Variants in CHL1 observed in about 807,000 individuals in gnomAD.
CHL1 encodes cell adhesion molecule L1 like.
Under a neutral mutation model 141.9 loss-of-function variants are expected in CHL1, and 96 were observed. The observed-to-expected ratio is 0.68, with a 90% CI of 0.57 to 0.80. The LOEUF (loss-of-function observed/expected upper bound fraction) is 0.80, where lower values mean the gene tolerates loss of function less well. Among genes scored for constraint, CHL1 ranks in the 30% least tolerant of loss-of-function variants. The probability of loss-of-function intolerance (pLI) is 0.00; values close to 1 mark genes in which losing one functional copy is unlikely to be tolerated. For synonymous variants in CHL1, 613 were observed against 502.2 expected (o/e 1.22, Z -2.95); for missense variants, 1,820 against 1,457.2 (o/e 1.25, Z -4.05).
At chr3:270,233 G>T (rs1012238295) in intron 2 of CHL1, among the ~76,000 whole-genome samples, 2 of 140,138 alleles carry the variant, frequency 1.4e-5, no homozygotes, top group Admixed American at 1.4e-4. Context: ...GGAGAATTTG[G>T]CAAAAAATAG....
At chr3:206,392 G>A (rs1461977618) in intron 1 of CHL1, among the ~76,000 whole-genome samples, 1 of 152,100 alleles carries the variant, frequency 6.6e-6, no homozygotes. Flanking sequence ...CTTGAACCCA[G>A]GAGGCGGAGG....
intron 27 of CHL1, 43 bp from the exon 28 acceptor site, chr3:405,452 A>G (rs1215907584): frequency 8.0e-7 from 1 of 1,249,394 alleles, no homozygotes; most frequent in Non-Finnish European, 1.2e-6. Context: ...ATGAATATTA[A>G]TATTAGATTT....
At chr3:362,953 A>G (rs898808630) in intron 13 of CHL1, among the ~76,000 whole-genome samples, 1 of 152,214 alleles carries the variant, frequency 6.6e-6, no homozygotes, top group Non-Finnish European at 1.5e-5. Flanking sequence ...CTGAGGACAC[A>G]TGCAAACCGG....
chr3:344,840 G>A (rs1702632007), intron 9 of CHL1, 131 bp downstream of exon 9: 13 of 845,248 alleles, frequency 1.5e-5, no homozygotes, highest in East Asian at 8.7e-5. Context: ...ATTCTGCCGG[G>A]CACTGCAGAT....
At chr3:246,270 A>G (rs1375783494) in intron 2 of CHL1, among the ~76,000 whole-genome samples, 1 of 152,096 alleles carries the variant, frequency 6.6e-6, no homozygotes, top group Non-Finnish European at 1.5e-5. Context: ...TGTATTAATA[A>G]TTATTTCTCT....
chr3:349,677 A>G, intron 10 of CHL1, 134 bp downstream of exon 10: 1 of 727,622 alleles, frequency 1.4e-6, no homozygotes, highest in South Asian at 1.9e-5. Context: ...GCGGGCATTG[A>G]ATTATATTAC....
chr3:286,194 A>G (rs931454254), intron 2 of CHL1, among the ~76,000 whole-genome samples: 5 of 152,188 alleles, frequency 3.3e-5, no homozygotes, highest in African/African-American at 1.2e-4. Flanking sequence ...GGCACTTATC[A>G]CAACCCTTAA....
intron 1 of CHL1, among the ~76,000 whole-genome samples, chr3:240,105 T>C (rs981868793): frequency 6.6e-6 from 1 of 152,202 alleles, no homozygotes; most frequent in African/African-American, 2.4e-5. Context: ...TCTGGGTAGA[T>C]ACCCAGTAGT....
intron 1 of CHL1, among the ~76,000 whole-genome samples, chr3:230,287 T>G (rs984586758): frequency 2.0e-5 from 3 of 152,204 alleles, no homozygotes; most frequent in Non-Finnish European, 2.9e-5. Flanking sequence ...TTCTGGCTTT[T>G]GTGTCATTCA....
At position 320,742 on chromosome 3, in the gene CHL1, T is replaced by C. The variant is rs538480084; in HGVS notation, c.91+875T>C. On this transcript the variant is annotated intron_variant, in intron 3 of 27. Transcript: ENST00000256509. ...AAAAAATCTGCAAACAGAACATATGTAATAGTATATCAAGTCTGCCATGTA... is the reference window on the plus strand; with the variant it reads ...AAAAAATCTGCAAACAGAACATATGCAATAGTATATCAAGTCTGCCATGTA... Among the ~76,000 whole-genome samples, 15 of 152,192 alleles carry C rather than the reference T, an allele frequency of 9.9e-5. No individual in the cohort carries two copies. The East Asian group carries it at 2.5e-3, about 26-fold the overall frequency.
intron 5 of CHL1, among the ~76,000 whole-genome samples, chr3:336,519 G>A (rs184711904): frequency 6.6e-6 from 1 of 152,252 alleles, no homozygotes; most frequent in South Asian, 2.1e-4. Flanking sequence ...CCCTTAAGAA[G>A]CTTCTACCCT....
intron 2 of CHL1, among the ~76,000 whole-genome samples, chr3:255,507 G>GTC (rs1694073258): frequency 7.0e-6 from 1 of 143,828 alleles, no homozygotes; most frequent in Non-Finnish European, 1.5e-5. Flanking sequence ...GTATGTGTGT[G>GTC]TGTGTGTATA....
chr3:226,371 A>ATT (rs1163597409), intron 1 of CHL1, among the ~76,000 whole-genome samples: 2 of 53,930 alleles, frequency 3.7e-5, no homozygotes, highest in Admixed American at 4.3e-4. Flanking sequence ...ATAATAGAAT[A>ATT]TTTTATATAT....
intron 2 of CHL1, among the ~76,000 whole-genome samples, chr3:250,938 G>T (rs1693635522): frequency 6.6e-6 from 1 of 152,136 alleles, no homozygotes; most frequent in Admixed American, 6.6e-5. Flanking sequence ...TGGCTGTTAA[G>T]AGCCACAGGG....
intron 24 of CHL1, 58 bp downstream of exon 24, chr3:394,930 T>C: frequency 7.2e-7 from 1 of 1,379,678 alleles, no homozygotes; most frequent in South Asian, 1.4e-5. Context: ...TGCATCTTTT[T>C]AAACAGCTGC....
chr3:320,008 A>G (rs1308492463), intron 3 of CHL1, 141 bp downstream of exon 3: 7 of 577,892 alleles, frequency 1.2e-5, no homozygotes, highest in East Asian at 9.0e-5. Context: ...GAGAATTCAT[A>G]TCTATCTTTT....
intron 1 of CHL1, among the ~76,000 whole-genome samples, chr3:230,604 T>C (rs1195198804): frequency 6.6e-6 from 1 of 152,206 alleles, no homozygotes; most frequent in Non-Finnish European, 1.5e-5. Context: ...TGTCACTTGT[T>C]ATGTATGACA....
At chr3:284,549 G>C (rs963139373) in intron 2 of CHL1, among the ~76,000 whole-genome samples, 1 of 152,190 alleles carries the variant, frequency 6.6e-6, no homozygotes, top group Non-Finnish European at 1.5e-5. Flanking sequence ...TGACAATGCC[G>C]TGAAAACTGG....
At chr3:330,916 T>C (rs1425522339) in intron 5 of CHL1, among the ~76,000 whole-genome samples, 1 of 152,110 alleles carries the variant, frequency 6.6e-6, no homozygotes, top group Non-Finnish European at 1.5e-5. Context: ...CCATCACATG[T>C]GTAAAAATAG....
Sources: allele counts gnomAD v4.1 joint callset (sites outside exome capture counted in the v4.1 genomes callset), GRCh38; gene constraint gnomAD v4.1.1; transcripts MANE v1.5; gene names NCBI Gene and HGNC (gene_info 2026-07-23, HGNC 2026-07-21).